The following USP15 variants were observed in gnomAD, a reference collection of about 807,000 sequenced individuals.
The protein encoded by USP15 is ubiquitin specific peptidase 15, also known as ubiquitin carboxyl-terminal hydrolase 15.
In USP15, 18 loss-of-function variants were observed where a neutral mutation model predicts 127.1. That is an observed-to-expected ratio of 0.14 (90% CI 0.10 to 0.21). The LOEUF is 0.21. USP15 is among the 10% of genes least tolerant of loss of function. The pLI is 1.00. For missense variants in USP15, 805 were observed against 1,159.9 expected, an observed-to-expected ratio of 0.69 and a Z score of 4.44; for synonymous variants, 364 against 393.7, an observed-to-expected ratio of 0.92 and a Z score of 0.89.
At chr12:62,303,750 A>C (rs1273942993) in intron 3 of USP15, among the ~76,000 whole-genome samples, 1 of 152,208 alleles carries the variant, frequency 6.6e-6, no homozygotes, top group Non-Finnish European at 1.5e-5. Context: ...GTATTTGTGT[A>C]TCCATGGTTT....
chr12:62,356,805 T>C (rs1319788056), intron 8 of USP15, among the ~76,000 whole-genome samples: 1 of 152,060 alleles, frequency 6.6e-6, no homozygotes, highest in Non-Finnish European at 1.5e-5. Context: ...CAAAATGTAT[T>C]ATTATCCTAA....
intron 4 of USP15, among the ~76,000 whole-genome samples, chr12:62,319,145 A>G (rs529336460): frequency 2.0e-4 from 30 of 152,328 alleles, no homozygotes; most frequent in Admixed American, 1.2e-3. Flanking sequence ...GTGGAAGGCA[A>G]AGGGGAAGCA....
chr12:62,282,708 A>G (rs1403166487), intron 1 of USP15, among the ~76,000 whole-genome samples: 2 of 152,196 alleles, frequency 1.3e-5, no homozygotes, highest in South Asian at 2.1e-4. Context: ...CTTATGTTCA[A>G]GTATCCCTTA....
At position 62,280,523 on chromosome 12, in the gene USP15, C is replaced by A. The variant is rs144847693; in HGVS notation, c.90-13656C>A. Among the ~76,000 whole-genome samples, 94 of 152,194 alleles carry A rather than the reference C, an allele frequency of 6.2e-4. 2 individuals carry two copies. In the East Asian group the frequency reaches 0.016, roughly 26 times the overall value. On this transcript the variant is annotated intron_variant, in intron 1 of 21. Transcript: ENST00000280377. Reference sequence around the variant, plus strand: ...CATACTTTCTGGTTCATAGATGGAACCTTCTAGCTATAGTGGAAGGGATGA... The same window carrying A: ...CATACTTTCTGGTTCATAGATGGAAACTTCTAGCTATAGTGGAAGGGATGA...
At chr12:62,363,126 A>G (rs920109428) in intron 8 of USP15, among the ~76,000 whole-genome samples, 13 of 152,158 alleles carry the variant, frequency 8.5e-5, no homozygotes, top group African/African-American at 3.1e-4. Flanking sequence ...TCAGGCTACT[A>G]TCTTCTTAAC....
At chr12:62,401,052 A>C (rs897590748) in intron 20 of USP15, 135 bp from the exon 21 acceptor site, 3 of 460,456 alleles carry the variant, frequency 6.5e-6, no homozygotes, top group Non-Finnish European at 7.5e-6. Context: ...GAATCAATTG[A>C]ATATGTAATA....
chr12:62,394,845 C>T (rs1332909943), intron 19 of USP15, among the ~76,000 whole-genome samples: 1 of 150,412 alleles, frequency 6.6e-6, no homozygotes, highest in African/African-American at 2.4e-5. Context: ...GAGCGAGACT[C>T]CCTCTCAAAA....
rs1362449052 is a variant in USP15 at position 62,389,954 on chromosome 12, G to A, written c.1810G>A (p.Asp604Asn). ...GGCTGTACCACGAAACAATACTGAA[G>A]ACAAACTTTATAATCTCCTGCTCTT... ...LMAVPRNNTE[D>N]KLYNLLLLRM... is the part of the protein sequence containing the mutation. Residue 604 changes from aspartate (D) to asparagine (N), a missense_variant, in exon 14 of 22, where the codon GAC becomes AAC. This residue lies in a region of USP15 where 225 missense variants were observed against 239.5 expected (regional missense o/e 0.94). Transcript: ENST00000280377. 1 of 1,611,488 alleles carries A rather than the reference G, an allele frequency of 6.2e-7. No individual in the cohort carries two copies. Among genetic ancestry groups the A allele is most frequent in the African/African-American group, 1.3e-5 (1 of 74,814 alleles).
Position 62,405,276 on chromosome 12 carries a change from C to T in USP15, c.*901C>T, listed in dbSNP as rs2067829853. 1 of 152,046 alleles carries T rather than the reference C, an allele frequency of 6.6e-6. No individual in the cohort carries two copies. Among genetic ancestry groups the T allele is most frequent in the Admixed American group, 6.6e-5 (1 of 15,258 alleles). 9.4% of individuals were successfully genotyped at this position (152,046 alleles called of 1,614,324 possible). A position where few individuals can be genotyped will look rare whatever the true frequency, so the allele number is the denominator to read the frequency against. On this transcript the variant is annotated 3_prime_UTR_variant, in exon 22 of 22. Coordinates refer to ENST00000280377, the MANE Select transcript of USP15 (RefSeq NM_001252078.2). The stretch of plus-strand genomic sequence containing the variant: ...AGGACAGACATAATAGTATTCTGTA[C>T]CCATAGTAATAATTGCATCAAGCTT...
intron 19 of USP15, chr12:62,393,914 AAAC>A (rs1226071655): frequency 9.8e-5 from 15 of 152,340 alleles, no homozygotes; most frequent in African/African-American, 3.4e-4. Flanking sequence ...GACTAAAATA[AAAC>A]AACAATGGAA....
chr12:62,339,775 G>T (rs1214257196), intron 6 of USP15, among the ~76,000 whole-genome samples: 1 of 152,184 alleles, frequency 6.6e-6, no homozygotes, highest in Non-Finnish European at 1.5e-5. Flanking sequence ...TGTGCTGCTG[G>T]ATTCGGTTGA....
At chr12:62,282,956 A>G (rs922318360) in intron 1 of USP15, among the ~76,000 whole-genome samples, 1 of 152,244 alleles carries the variant, frequency 6.6e-6, no homozygotes, top group African/African-American at 2.4e-5. Flanking sequence ...TTGTAACTGT[A>G]GTATTAATGT....
chr12:62,404,443 C>A lies in USP15; in HGVS notation c.*68C>A. The A allele has an allele frequency of 6.9e-7, 1 of 1,445,826 alleles. No individual in the cohort carries two copies. Among genetic ancestry groups the A allele is most frequent in the Non-Finnish European group, 9.1e-7 (1 of 1,095,200 alleles). The allele number at this position is 1,445,826 out of a possible 1,614,324, so 89.6% of individuals were successfully genotyped here. Reference sequence around the variant, plus strand: ...GGTATCTATGGAAATGATGAAGTTACCCACCACATTAAAACAAAAGTCTGA... The same window carrying A: ...GGTATCTATGGAAATGATGAAGTTAACCACCACATTAAAACAAAAGTCTGA... On this transcript the variant is annotated 3_prime_UTR_variant, in exon 22 of 22. Coordinates refer to ENST00000280377, the MANE Select transcript of USP15 (RefSeq NM_001252078.2).
chr12:62,281,867 A>G (rs1440899525), intron 1 of USP15, among the ~76,000 whole-genome samples: 1 of 152,232 alleles, frequency 6.6e-6, no homozygotes, highest in Non-Finnish European at 1.5e-5. Context: ...GACAGTTGAC[A>G]TAGAAATGTA....
chr12:62,343,798 G>A (rs2065725646), intron 6 of USP15, among the ~76,000 whole-genome samples: 1 of 152,122 alleles, frequency 6.6e-6, no homozygotes, highest in Non-Finnish European at 1.5e-5. Flanking sequence ...CTTCTCCATT[G>A]ATCTCCCTGG....
Position 62,260,493 on chromosome 12 carries a change from G to A in USP15, c.79G>A (p.Gly27Arg). 1 of 1,551,362 alleles carries A rather than the reference G, an allele frequency of 6.4e-7. No individual in the cohort carries two copies. Among genetic ancestry groups the A allele is most frequent in the Non-Finnish European group, 8.7e-7 (1 of 1,147,120 alleles). ...ATLLKTSLRK[G>R]DTWYLVDSRW... ...GCTGCTCAAAACCTCGCTCCGGAAA[G>A]GGGACACCTGGTAAGAGAAAGGGGT... is the stretch of plus-strand genomic sequence containing the variant. Residue 27 changes from glycine (G) to arginine (R), a missense_variant, in exon 1 of 22, where the codon GGG (glycine) becomes AGG (arginine). Gly to Arg is a moderately radical substitution (Grantham distance 125). This residue lies in a region of USP15 where 45 missense variants were observed against 37.8 expected (regional missense o/e 1.19). Coordinates refer to ENST00000280377, the MANE Select transcript of USP15 (RefSeq NM_001252078.2).
chr12:62,389,816 A>G lies in USP15; in HGVS notation c.1672A>G (p.Arg558Gly). The change falls in exon 14 of 22, where the codon AGG becomes GGG. Residue 558 changes from arginine to glycine, a missense_variant. This residue lies in a region of USP15 where 82 missense variants were observed against 104.4 expected (regional missense o/e 0.79). Coordinates refer to ENST00000280377, the MANE Select transcript of USP15 (RefSeq NM_001252078.2). The part of the protein sequence containing the change: ...DIYVFEININ[R>G]TEDTEHVIIP... ...TTGTAGGTTTGAAATTAACATCAAT[A>G]GGACAGAAGATACAGAGCACGTGAT... 1 of 1,612,452 alleles carries G rather than the reference A, an allele frequency of 6.2e-7. No homozygotes were observed. Among genetic ancestry groups the G allele is most frequent in the Non-Finnish European group, 8.5e-7 (1 of 1,179,224 alleles).
chr12:62,409,419 A>G lies in USP15; in HGVS notation c.*5044A>G, dbSNP rs74095749. ...ATTTTACAAAGCAGCTAAAAATACA[A>G]CTATCTCTCTGGAATTGAAAATGTG... On this transcript the variant is annotated 3_prime_UTR_variant, in exon 22 of 22. Transcript: ENST00000280377. The G allele has an allele frequency of 3.3e-5, 5 of 152,190 alleles. No individual in the cohort carries two copies. The East Asian group carries it at 5.8e-4, about 18-fold the overall frequency. The allele number at this position is 152,190 out of a possible 1,614,324, so 9.4% of individuals were successfully genotyped here. A position where few individuals can be genotyped will look rare whatever the true frequency, so the allele number is the denominator to read the frequency against.
chr12:62,317,822 C>CA (rs1219562827), intron 4 of USP15, among the ~76,000 whole-genome samples: 1 of 152,158 alleles, frequency 6.6e-6, no homozygotes, highest in African/African-American at 2.4e-5. Context: ...ATTTACCTAT[C>CA]AGGGCCAAAA....
Sources: gnomAD v4.1 joint callset for allele counts (sites outside exome capture counted in the v4.1 genomes callset) on GRCh38, gnomAD v4.1.1 for gene constraint, gnomAD v4.1.1 regional missense constraint, MANE v1.5 for transcripts, NCBI Gene and HGNC (gene_info 2026-07-23, HGNC 2026-07-21) for gene names.